The following MAGI2 variants were observed in gnomAD, a reference collection of about 807,000 sequenced individuals.
The protein encoded by MAGI2 is membrane-associated guanylate kinase, WW and PDZ domain-containing protein 2.
A neutral mutation model predicts 133.3 loss-of-function variants in MAGI2; 35 were observed. The observed-to-expected ratio is 0.26, with a 90% CI of 0.20 to 0.35. The LOEUF is 0.35. Among genes scored for constraint, MAGI2 ranks in the 10% least tolerant of loss-of-function variants. The pLI is 1.00. For missense variants in MAGI2, 1,636 were observed against 1,863.4 expected (o/e 0.88, Z 2.25); for synonymous variants, 729 against 710.6 (o/e 1.03, Z -0.41).
intron 12 of MAGI2, among the ~76,000 whole-genome samples, chr7:78,190,591 T>C (rs1182945510): frequency 6.6e-6 from 1 of 152,142 alleles, no homozygotes; most frequent in African/African-American, 2.4e-5. Context: ...GATAGTCTTA[T>C]AAGTAACTAG....
chr7:78,246,529 A>G (rs3847080), intron 10 of MAGI2, among the ~76,000 whole-genome samples: 32,107 of 151,972 alleles, frequency 0.21, 3,556 homozygotes, highest in East Asian at 0.32. Context: ...GAGTCAAACC[A>G]GCCCCTTAGA....
chr7:78,368,953 G>T (rs373265850), intron 7 of MAGI2, among the ~76,000 whole-genome samples: 1 of 151,916 alleles, frequency 6.6e-6, no homozygotes, highest in Non-Finnish European at 1.5e-5. Context: ...TTTTAGAATC[G>T]TTGAGTCAAA....
intron 1 of MAGI2, among the ~76,000 whole-genome samples, chr7:79,417,817 T>C (rs895079494): frequency 3.3e-5 from 5 of 151,554 alleles, no homozygotes; most frequent in Admixed American, 2.0e-4. Flanking sequence ...AACAATGAAG[T>C]TCTTTTTTTA....
intron 1 of MAGI2, among the ~76,000 whole-genome samples, chr7:79,105,865 A>G (rs1818411552): frequency 6.6e-6 from 1 of 152,128 alleles, no homozygotes; most frequent in African/African-American, 2.4e-5. Context: ...ACTTGCATTA[A>G]GCAGACTTTC....
intron 7 of MAGI2, chr7:78,347,231 G>C (rs1186052445): frequency 1.3e-5 from 2 of 152,262 alleles, no homozygotes; most frequent in Non-Finnish European, 2.9e-5. Flanking sequence ...ACCACTTACA[G>C]CTTCAGAAAG....
intron 2 of MAGI2, among the ~76,000 whole-genome samples, chr7:78,897,938 T>C (rs969601163): frequency 6.6e-6 from 1 of 152,192 alleles, no homozygotes; most frequent in South Asian, 2.1e-4. Flanking sequence ...TTGCAAACTA[T>C]GCATGTGAGC....
At position 78,453,589 on chromosome 7, in the gene MAGI2, C is replaced by T. The variant is rs571935071; in HGVS notation, c.1045+36172G>A. 1.2e-3 allele frequency among the ~76,000 whole-genome samples: 185 copies of T among 152,266 alleles called. 1 individual carries two copies. The highest frequency in any genetic ancestry group is 2.1e-3 in the Non-Finnish European group (141 of 68,018). ...TGCCCAAATGTCACTTCACTTGAAA[C>T]ATCACTGACATGCTTCCCAGCCATA... On this transcript the variant is annotated intron_variant, in intron 6 of 21. Transcript: ENST00000354212.
chr7:78,242,595 C>A (rs1227337439), intron 10 of MAGI2, among the ~76,000 whole-genome samples: 2 of 152,116 alleles, frequency 1.3e-5, no homozygotes, highest in African/African-American at 4.8e-5. Flanking sequence ...GTGGAATATC[C>A]ACTTTGATTT....
intron 2 of MAGI2, among the ~76,000 whole-genome samples, chr7:78,740,777 T>C (rs1294936329): frequency 6.6e-6 from 1 of 152,208 alleles, no homozygotes; most frequent in Non-Finnish European, 1.5e-5. Context: ...GTCATTAAAA[T>C]GTATACTGAA....
chr7:78,905,935 A>G (rs776904571), intron 2 of MAGI2, among the ~76,000 whole-genome samples: 4 of 152,174 alleles, frequency 2.6e-5, no homozygotes, highest in Non-Finnish European at 5.9e-5. Flanking sequence ...TGTCTTACCC[A>G]CATTCAAACT....
intron 21 of MAGI2, among the ~76,000 whole-genome samples, chr7:78,055,668 A>G (rs547552283): frequency 9.2e-5 from 14 of 152,282 alleles, no homozygotes; most frequent in African/African-American, 3.1e-4. Flanking sequence ...TCCAAAATCA[A>G]TCAGGGGCAG....
chr7:78,314,621 G>T (rs1168998464), intron 9 of MAGI2, among the ~76,000 whole-genome samples: 2 of 152,124 alleles, frequency 1.3e-5, no homozygotes, highest in Non-Finnish European at 2.9e-5. Flanking sequence ...GTGCACACAT[G>T]GCCCCTGGGG....
intron 3 of MAGI2, among the ~76,000 whole-genome samples, chr7:78,567,700 C>G (rs895518239): frequency 2.0e-5 from 3 of 152,138 alleles, no homozygotes; most frequent in African/African-American, 7.2e-5. Flanking sequence ...GTTTTCCTCT[C>G]TTTACTGGAT....
chr7:78,052,097 C>T (rs1490203711), intron 21 of MAGI2, among the ~76,000 whole-genome samples: 5 of 151,956 alleles, frequency 3.3e-5, no homozygotes, highest in Admixed American at 1.3e-4. Flanking sequence ...TCTTGAATTC[C>T]GGAGCTTCAG....
intron 1 of MAGI2, among the ~76,000 whole-genome samples, chr7:79,175,646 A>G (rs11982713): frequency 0.64 from 97,262 of 151,910 alleles, 35,647 homozygotes; most frequent in Non-Finnish European, 0.83. Context: ...ATAAACATAG[A>G]TGGTGTAGCC....
At chr7:79,416,401 A>C (rs1846516964) in intron 1 of MAGI2, among the ~76,000 whole-genome samples, 1 of 152,078 alleles carries the variant, frequency 6.6e-6, no homozygotes, top group Non-Finnish European at 1.5e-5. Context: ...GGGGGGAAGA[A>C]AGGAAAAAAC....
chr7:78,649,988 G>A (rs1431746084), intron 2 of MAGI2, among the ~76,000 whole-genome samples: 1 of 152,170 alleles, frequency 6.6e-6, no homozygotes, highest in Non-Finnish European at 1.5e-5. Context: ...GCAGGCCTGG[G>A]TATGGCCTGA....
At chr7:78,552,703 T>C (rs1009384667) in intron 3 of MAGI2, among the ~76,000 whole-genome samples, 5 of 152,130 alleles carry the variant, frequency 3.3e-5, no homozygotes, top group African/African-American at 4.8e-5. Flanking sequence ...TGGACGGACA[T>C]AGATTACTTG....
intron 5 of MAGI2, among the ~76,000 whole-genome samples, chr7:78,499,515 C>A (rs912211896): frequency 6.6e-6 from 1 of 152,208 alleles, no homozygotes; most frequent in African/African-American, 2.4e-5. Context: ...TTGCTAGATT[C>A]TCTCAAGCCC....
Sources: gnomAD v4.1 joint callset for allele counts (sites outside exome capture counted in the v4.1 genomes callset) on GRCh38, gnomAD v4.1.1 for gene constraint, MANE v1.5 for transcripts, NCBI Gene and HGNC (gene_info 2026-07-23, HGNC 2026-07-21) for gene names.